Variants in LPIN2 observed in about 807,000 individuals in gnomAD.
LPIN2 encodes phosphatidate phosphatase LPIN2.
A neutral mutation model predicts 111.4 loss-of-function variants in LPIN2; 55 were observed. The observed-to-expected ratio is 0.49, with a 90% CI of 0.40 to 0.62. The LOEUF is 0.62. LPIN2 is among the 20% of genes least tolerant of loss of function. The pLI, the probability that LPIN2 is intolerant of heterozygous loss-of-function variation, is 0.00. For missense variants in LPIN2, 992 were observed against 1,112.1 expected (o/e 0.89, Z 1.54); for synonymous variants, 425 against 414.0 (o/e 1.03, Z -0.32).
intron 1 of LPIN2, among the ~76,000 whole-genome samples, chr18:3,010,312 A>G (rs919740910): frequency 6.6e-6 from 1 of 152,234 alleles, no homozygotes; most frequent in Admixed American, 6.5e-5. Context: ...AGGTATAGCC[A>G]TAAAACTTAC....
At chr18:2,928,997 C>T in intron 10 of LPIN2, 68 bp downstream of exon 10, 1 of 991,170 alleles carries the variant, frequency 1.0e-6, no homozygotes, top group Non-Finnish European at 1.6e-6. Context: ...TTATAAGTAA[C>T]AGTTAAAAAT....
At position 2,938,149 on chromosome 18, in the gene LPIN2, G is replaced by A. The variant is rs9961969; in HGVS notation, c.823-112C>T. The A allele has an allele frequency of 0.32, 257,432 of 796,572 alleles. 46,065 individuals carry two copies. Among genetic ancestry groups the A allele is most frequent in the East Asian group, 0.59 (22,086 of 37,626 alleles). The allele number at this position is 796,572 out of a possible 1,614,324, so 49.3% of individuals were successfully genotyped here. A position where few individuals can be genotyped will look rare whatever the true frequency, so the allele number is the denominator to read the frequency against. On this transcript the variant is annotated intron_variant, in intron 6 of 19. Coordinates refer to ENST00000677752, the MANE Select transcript of LPIN2 (RefSeq NM_001375808.2). ...ATTTTTAACTTAACACATTCATTAA[G>A]TATCTTAGTTTGTACATGTAAAAAT...
chr18:2,958,163 A>C (rs1463008592), intron 2 of LPIN2, among the ~76,000 whole-genome samples: 14 of 142,664 alleles, frequency 9.8e-5, no homozygotes, highest in Non-Finnish European at 1.7e-4. Context: ...AAAAACAACA[A>C]AAAAAAAAAA....
intron 4 of LPIN2, chr18:2,946,398 T>C: frequency 2.0e-6 from 3 of 1,478,060 alleles, no homozygotes; most frequent in Non-Finnish European, 1.9e-6. Flanking sequence ...AAATCAGTTG[T>C]TCTTCTCTTA....
chr18:2,995,728 C>G (rs1253331062), intron 1 of LPIN2, among the ~76,000 whole-genome samples: 1 of 152,172 alleles, frequency 6.6e-6, no homozygotes, highest in African/African-American at 2.4e-5. Context: ...TGGCTTCTGG[C>G]TATTTCCAAA....
chr18:2,979,939 C>T (rs1025784928), intron 1 of LPIN2, among the ~76,000 whole-genome samples: 2 of 152,168 alleles, frequency 1.3e-5, no homozygotes, highest in South Asian at 4.1e-4. Context: ...TGTAGGTTTA[C>T]TAGAATCCTC....
chr18:3,006,690 A>G (rs2078520685), intron 1 of LPIN2, among the ~76,000 whole-genome samples: 1 of 152,180 alleles, frequency 6.6e-6, no homozygotes, highest in Non-Finnish European at 1.5e-5. Context: ...ACAAAAAATT[A>G]GCCAGGCGTG....
In LPIN2 at chr18:2,999,421, C is replaced by G. The variant is rs182609145; in HGVS notation, c.-10+13666G>C. Among the ~76,000 whole-genome samples, 1,435 of 151,892 alleles carry G rather than the reference C, an allele frequency of 9.4e-3. 11 individuals are homozygous for G. The highest frequency in any genetic ancestry group is 0.015 in the Non-Finnish European group (1,005 of 67,930). On this transcript the variant is annotated intron_variant, in intron 1 of 19. Coordinates refer to ENST00000677752, the MANE Select transcript of LPIN2 (RefSeq NM_001375808.2). Reference sequence around the variant, plus strand: ...ACCATTCTGGCTAACATGGTGAAACCCCGTCTCTACTAAAAATACAAAAAA... The same window carrying G: ...ACCATTCTGGCTAACATGGTGAAACGCCGTCTCTACTAAAAATACAAAAAA...
At chr18:2,932,892 A>G (rs1297575899) in intron 8 of LPIN2, among the ~76,000 whole-genome samples, 5 of 152,228 alleles carry the variant, frequency 3.3e-5, no homozygotes, top group African/African-American at 1.2e-4. Flanking sequence ...AACACAGAGC[A>G]TTCTTCACAG....
intron 1 of LPIN2, among the ~76,000 whole-genome samples, chr18:3,001,102 G>A (rs1248386687): frequency 6.6e-6 from 1 of 152,188 alleles, no homozygotes; most frequent in East Asian, 1.9e-4. Context: ...TAGCCTATCA[G>A]TTGGGTAGGA....
At chr18:2,999,202 A>G (rs1195006291) in intron 1 of LPIN2, among the ~76,000 whole-genome samples, 1 of 152,228 alleles carries the variant, frequency 6.6e-6, no homozygotes. Context: ...GTAGCTCAGA[A>G]TGTGACCTTA....
chr18:3,012,028 T>G (rs1202780904), intron 1 of LPIN2: 1 of 152,246 alleles, frequency 6.6e-6, no homozygotes, highest in Non-Finnish European at 1.5e-5. Context: ...TCGTAAATAT[T>G]TCAAAATGTA....
chr18:2,961,284 C>A (rs1470801665), intron 1 of LPIN2, among the ~76,000 whole-genome samples: 2 of 152,138 alleles, frequency 1.3e-5, no homozygotes, highest in African/African-American at 4.8e-5. Flanking sequence ...CGGGAGAAAC[C>A]AGAGATTCAT....
chr18:2,966,754 A>T (rs1426917960), intron 1 of LPIN2, among the ~76,000 whole-genome samples: 1 of 152,146 alleles, frequency 6.6e-6, no homozygotes, highest in Non-Finnish European at 1.5e-5. Context: ...TCCTCACACC[A>T]CTACTATTAA....
In LPIN2 at chr18:2,960,837, T is replaced by A. The variant is rs1217829660; in HGVS notation, c.4A>T (p.Asn2Tyr). The change falls in exon 2 of 20, where the codon AAT becomes TAT. Residue 2 changes from asparagine (N) to tyrosine (Y), a missense_variant. Around this residue, in one of 4 missense-constraint regions of LPIN2, gnomAD observed 67 missense variants for 112.1 expected, o/e 0.60. Transcript: ENST00000677752. M[N>Y]YVGQLAGQVI... The stretch of plus-strand genomic sequence containing the variant: ...TGCCCAGCCAGCTGTCCCACATAAT[T>A]CATGGTTTGAGACTACAAGAAACAA... 6.2e-7 allele frequency: 1 copy of A among 1,613,624 alleles called. No homozygotes were observed. Among genetic ancestry groups the A allele is most frequent in the East Asian group, 2.2e-5 (1 of 44,870 alleles).
At chr18:2,941,518 C>T (rs1217673290) in intron 4 of LPIN2, among the ~76,000 whole-genome samples, 1 of 152,172 alleles carries the variant, frequency 6.6e-6, no homozygotes, top group Non-Finnish European at 1.5e-5. Flanking sequence ...CACTGTGGGC[C>T]CCCGTTTTCA....
Position 2,939,588 on chromosome 18 carries a change from T to C in LPIN2, c.714A>G (p.Thr238=). 3 of 1,613,682 alleles carry C rather than the reference T, an allele frequency of 1.9e-6. No homozygotes were observed. The highest frequency in any genetic ancestry group is 1.7e-6 in the Non-Finnish European group (2 of 1,179,836). Residue 238 remains threonine, a synonymous_variant, in exon 6 of 20, where the codon ACA becomes ACG. Transcript: ENST00000677752. The part of the protein sequence containing the change: ...WSPLETTYPQ[T]ACPKSDSELE... ...GCTCTGAATCACTCTTAGGACACGC[T>C]GTCTGGGGATAGGTGCTGCAAAGAG... is the stretch of plus-strand genomic sequence containing the variant.
At chr18:2,971,518 G>A (rs994834554) in intron 1 of LPIN2, among the ~76,000 whole-genome samples, 3 of 152,108 alleles carry the variant, frequency 2.0e-5, no homozygotes, top group Non-Finnish European at 4.4e-5. Context: ...GAAAAGTCCC[G>A]CAAGCTTCAC....
chr18:2,931,381 G>C lies in LPIN2; in HGVS notation c.1331C>G (p.Pro444Arg). 6.2e-7 allele frequency: 1 copy of C among 1,612,058 alleles called. No individual in the cohort carries two copies. Among genetic ancestry groups the C allele is most frequent in the Non-Finnish European group, 8.5e-7 (1 of 1,179,104 alleles). ...TGCAGCTGCGCTTCCCACGGACTGT[G>C]GGGACTGGGAGCCAGAGAGTGTGTC... is the stretch of plus-strand genomic sequence containing the variant. ...ESDTLSGSQS[P>R]QSVGSAAADS... Residue 444 changes from proline to arginine, a missense_variant, in exon 9 of 20, where the codon CCA becomes CGA. Around this residue, in one of 4 missense-constraint regions of LPIN2, gnomAD observed 709 missense variants for 753.2 expected, o/e 0.94. Coordinates refer to ENST00000677752, the MANE Select transcript of LPIN2 (RefSeq NM_001375808.2).
Sources: gnomAD v4.1 joint callset for allele counts (sites outside exome capture counted in the v4.1 genomes callset) on GRCh38, gnomAD v4.1.1 for gene constraint, gnomAD v4.1.1 regional missense constraint, MANE v1.5 for transcripts, NCBI Gene and HGNC (gene_info 2026-07-23, HGNC 2026-07-21) for gene names.